Variants in CCDC171 observed in about 807,000 individuals in gnomAD.
The protein encoded by CCDC171 is coiled-coil domain containing 171, also known as coiled-coil domain-containing protein 171.
Under a neutral mutation model 168.2 loss-of-function variants are expected in CCDC171, and 177 were observed. That is an observed-to-expected ratio of 1.05 (90% CI 0.93 to 1.19). The LOEUF (loss-of-function observed/expected upper bound fraction) is 1.19. Ranked by LOEUF, CCDC171 falls within the 50% of genes most tolerant of loss-of-function variation. CCDC171 has a pLI of 0.00. For missense variants in CCDC171, 1,991 were observed against 1,539.0 expected (o/e 1.29, Z -4.91); for synonymous variants, 687 against 540.8 (o/e 1.27, Z -3.75).
At chr9:15,905,510 C>G (rs1185285526) in intron 24 of CCDC171, among the ~76,000 whole-genome samples, 1 of 152,010 alleles carries the variant, frequency 6.6e-6, no homozygotes, top group East Asian at 1.9e-4. Context: ...ATCTCTGGGA[C>G]ACATTCAAAG....
At chr9:16,083,172 T>C in the CCDC171 span, among the ~76,000 whole-genome samples, 1 of 152,362 alleles carries the variant, frequency 6.6e-6, no homozygotes, top group African/African-American at 2.4e-5. Flanking sequence ...TTTTTAGTAA[T>C]GGGTCCTATG....
At chr9:15,672,546 A>T (rs148841615) in intron 9 of CCDC171, among the ~76,000 whole-genome samples, 1,681 of 152,260 alleles carry the variant, frequency 0.011, 34 homozygotes, top group African/African-American at 0.039. Context: ...TAAGGAAGGG[A>T]TCCAGTTTCA....
the CCDC171 span, among the ~76,000 whole-genome samples, chr9:16,071,509 G>C: frequency 6.8e-6 from 1 of 147,372 alleles, no homozygotes; most frequent in Non-Finnish European, 1.5e-5. Flanking sequence ...CACTCCCACA[G>C]TTGTGTTTTT....
the CCDC171 span, among the ~76,000 whole-genome samples, chr9:16,093,312 A>C: frequency 2.0e-5 from 3 of 152,146 alleles, no homozygotes; most frequent in Non-Finnish European, 4.4e-5. Context: ...TGGTGGGCCA[A>C]CCTACCTGAT....
intron 3 of CCDC171, among the ~76,000 whole-genome samples, chr9:15,980,947 A>G (rs1831776365): frequency 6.6e-6 from 1 of 152,138 alleles, no homozygotes; most frequent in South Asian, 2.1e-4. Flanking sequence ...GGGAAGCCTC[A>G]CAATCATGGT....
At chr9:15,955,987 G>T (rs1829761233) in intron 25 of CCDC171, among the ~76,000 whole-genome samples, 1 of 152,162 alleles carries the variant, frequency 6.6e-6, no homozygotes, top group Non-Finnish European at 1.5e-5. Flanking sequence ...GATAGATTTA[G>T]ATGAAAAATG....
At chr9:16,007,044 A>C (rs1214260291) in intron 3 of CCDC171, among the ~76,000 whole-genome samples, 2 of 152,200 alleles carry the variant, frequency 1.3e-5, no homozygotes, top group Non-Finnish European at 2.9e-5. Flanking sequence ...TTACAGTCCC[A>C]CCAACAGTGT....
intron 3 of CCDC171, among the ~76,000 whole-genome samples, chr9:15,575,253 C>G (rs1253950424): frequency 1.4e-5 from 2 of 143,116 alleles, no homozygotes; most frequent in African/African-American, 5.2e-5. Context: ...GCAGCCTGGT[C>G]TCGAACTCCT....
intron 7 of CCDC171, among the ~76,000 whole-genome samples, chr9:15,636,723 C>G: frequency 7.2e-6 from 1 of 139,618 alleles, no homozygotes; most frequent in Non-Finnish European, 1.5e-5. Context: ...GTACTCTAGC[C>G]TGGGCAACAA....
At chr9:15,981,252 G>C (rs1241938023) in intron 3 of CCDC171, among the ~76,000 whole-genome samples, 1 of 151,982 alleles carries the variant, frequency 6.6e-6, no homozygotes, top group Non-Finnish European at 1.5e-5. Context: ...GGTCATGAGA[G>C]TCCTCTTGAT....
At chr9:15,649,727 A>G (rs1015593591) in intron 7 of CCDC171, among the ~76,000 whole-genome samples, 4 of 152,166 alleles carry the variant, frequency 2.6e-5, no homozygotes, top group Non-Finnish European at 5.9e-5. Context: ...TAGAATGGCA[A>G]TCATTAAAAA....
At chr9:15,918,661 G>C (rs1824883540) in intron 24 of CCDC171, among the ~76,000 whole-genome samples, 1 of 151,558 alleles carries the variant, frequency 6.6e-6, no homozygotes, top group Non-Finnish European at 1.5e-5. Context: ...GATATTCCCA[G>C]GTAAGAAGTC....
intron 10 of CCDC171, among the ~76,000 whole-genome samples, chr9:15,688,521 A>G (rs1419068310): frequency 6.6e-6 from 1 of 152,208 alleles, no homozygotes; most frequent in Non-Finnish European, 1.5e-5. Context: ...ATATTACACC[A>G]TGATCAAGTG....
intron 7 of CCDC171, among the ~76,000 whole-genome samples, chr9:15,631,631 G>A (rs375672166): frequency 1.1e-4 from 16 of 152,238 alleles, no homozygotes; most frequent in South Asian, 4.2e-4. Context: ...AACTATTCCA[G>A]TCAATAGAAA....
At chr9:15,685,950 G>A (rs1024880124) in intron 10 of CCDC171, among the ~76,000 whole-genome samples, 5 of 152,094 alleles carry the variant, frequency 3.3e-5, no homozygotes, top group African/African-American at 1.2e-4. Context: ...TAAGCCTGAT[G>A]AGTGAGTAAA....
chr9:16,007,323 T>A (rs1033931495), intron 3 of CCDC171, among the ~76,000 whole-genome samples: 4 of 152,230 alleles, frequency 2.6e-5, no homozygotes, highest in Non-Finnish European at 4.4e-5. Flanking sequence ...TTGTAGATTC[T>A]GGATATTAGC....
At chr9:15,628,243 G>A (rs928159779) in intron 7 of CCDC171, among the ~76,000 whole-genome samples, 2 of 151,060 alleles carry the variant, frequency 1.3e-5, no homozygotes, top group Non-Finnish European at 3.0e-5. Context: ...TACTCGGGAA[G>A]CGCAAGGGGT....
Position 15,727,880 on chromosome 9 carries a change from C to G in CCDC171, c.1704C>G (p.Thr568=). 1.2e-6 allele frequency: 2 copies of G among 1,604,290 alleles called. No individual in the cohort carries two copies. The highest frequency in any genetic ancestry group is 1.7e-6 in the Non-Finnish European group (2 of 1,176,516). The part of the protein sequence containing the change: ...AFHKDAEEKL[T]FLHTLYQHLV... The stretch of plus-strand genomic sequence containing the variant: ...TTTTTTTCCTGCAGGAGAAGCTAAC[C>G]TTCCTTCACACCTTATATCAGCACT... The change falls in exon 15 of 26, where the codon ACC becomes ACG. Residue 568 remains threonine, a synonymous_variant. Coordinates refer to ENST00000380701, the MANE Select transcript of CCDC171 (RefSeq NM_173550.4).
At chr9:15,689,820 C>A (rs1005783678) in intron 10 of CCDC171, among the ~76,000 whole-genome samples, 5 of 152,030 alleles carry the variant, frequency 3.3e-5, no homozygotes, top group African/African-American at 1.2e-4. Context: ...CTACAGTAGT[C>A]AAGATAGTAT....
Sources: allele counts gnomAD v4.1 joint callset (sites outside exome capture counted in the v4.1 genomes callset), GRCh38; gene constraint gnomAD v4.1.1; transcripts MANE v1.5; gene names NCBI Gene and HGNC (gene_info 2026-07-23, HGNC 2026-07-21).